The following FSTL4 variants were observed in gnomAD, a reference collection of about 807,000 sequenced individuals.
The protein encoded by FSTL4 is follistatin-related protein 4.
In FSTL4, 28 loss-of-function variants were observed where a neutral mutation model predicts 78.2. The observed-to-expected ratio is 0.36, with a 90% confidence interval of 0.27 to 0.49. The LOEUF is 0.49. FSTL4 is among the 20% of genes least tolerant of loss of function. The pLI is 0.98. For missense variants in FSTL4, 922 were observed against 1,084.9 expected, an observed-to-expected ratio of 0.85 and a Z score of 2.11; for synonymous variants, 422 against 440.5, an observed-to-expected ratio of 0.96 and a Z score of 0.53.
At chr5:133,453,401 A>C (rs1225565061) in intron 3 of FSTL4, among the ~76,000 whole-genome samples, 1 of 151,880 alleles carries the variant, frequency 6.6e-6, no homozygotes, top group Non-Finnish European at 1.5e-5. Context: ...GGATGCTCCC[A>C]CCCCCAGGCA....
At chr5:133,312,156 T>A (rs1410572927) in intron 6 of FSTL4, among the ~76,000 whole-genome samples, 1 of 152,102 alleles carries the variant, frequency 6.6e-6, no homozygotes, top group Non-Finnish European at 1.5e-5. Context: ...TTTCCCTTCT[T>A]CTCCAGGGAT....
chr5:133,641,491 T>TAA, the FSTL4 span, among the ~76,000 whole-genome samples: 1 of 152,200 alleles, frequency 6.6e-6, no homozygotes, highest in South Asian at 2.1e-4. Context: ...GACAATGTTA[T>TAA]AATAAGTATA....
At chr5:133,752,272 A>G in the FSTL4 span, among the ~76,000 whole-genome samples, 1 of 152,208 alleles carries the variant, frequency 6.6e-6, no homozygotes, top group Non-Finnish European at 1.5e-5. Context: ...GCAGCTTATG[A>G]TTAAGCCAGC....
At chr5:133,607,650 G>C (rs1336417366) in intron 1 of FSTL4, among the ~76,000 whole-genome samples, 5 of 152,168 alleles carry the variant, frequency 3.3e-5, no homozygotes, top group Non-Finnish European at 5.9e-5. Context: ...TGCCTGTTTT[G>C]TTTTGATAAA....
chr5:133,632,429 A>G, the FSTL4 span, among the ~76,000 whole-genome samples: 2 of 152,184 alleles, frequency 1.3e-5, no homozygotes, highest in African/African-American at 4.8e-5. Flanking sequence ...TTCTTTCTCA[A>G]TGTTCCAAAA....
At chr5:133,234,689 G>T (rs1238678558) in intron 7 of FSTL4, among the ~76,000 whole-genome samples, 1 of 152,192 alleles carries the variant, frequency 6.6e-6, no homozygotes, top group Non-Finnish European at 1.5e-5. Flanking sequence ...CATCTGTGGG[G>T]AGTGATGGGA....
the FSTL4 span, among the ~76,000 whole-genome samples, chr5:133,816,366 C>A: frequency 6.6e-6 from 1 of 152,152 alleles, no homozygotes; most frequent in Non-Finnish European, 1.5e-5. Flanking sequence ...AGGTGACCTG[C>A]TTAGGATGCA....
At chr5:133,305,924 G>A (rs1448772236) in intron 6 of FSTL4, among the ~76,000 whole-genome samples, 2 of 152,218 alleles carry the variant, frequency 1.3e-5, no homozygotes, top group African/African-American at 4.8e-5. Flanking sequence ...TCCCTGCCCA[G>A]GAGCTCACCC....
Position 133,225,509 on chromosome 5 carries a change from GC to G in FSTL4, c.1177+148del, listed in dbSNP as rs1219874695. The stretch of plus-strand genomic sequence containing the variant: ...AGAAAGCCCCAAAAGATCTGTGTGA[GC>G]CCAGATAACAGGGAAATTTGGGAGC... On this transcript the variant is annotated intron_variant, in intron 9 of 15. Transcript: ENST00000265342. This position sits in a 1 kb window ranked among gnomAD's most constrained non-coding sequence, Gnocchi z 4.6. 3 of 851,974 alleles carry G rather than the reference GC, an allele frequency of 3.5e-6. No individual in the cohort carries two copies. The African/African-American group carries it at 5.1e-5, about 14-fold the overall frequency. The allele number at this position is 851,974 out of a possible 1,614,324, so 52.8% of individuals were successfully genotyped here.
At chr5:133,778,872 A>T in the FSTL4 span, among the ~76,000 whole-genome samples, 1 of 152,234 alleles carries the variant, frequency 6.6e-6, no homozygotes, top group Non-Finnish European at 1.5e-5. Flanking sequence ...CACAAGGCCC[A>T]AGCTGGGCAC....
the FSTL4 span, among the ~76,000 whole-genome samples, chr5:133,762,401 A>G: frequency 3.3e-5 from 5 of 152,054 alleles, no homozygotes; most frequent in Non-Finnish European, 7.4e-5. Flanking sequence ...CCAAACTTTC[A>G]TTTTCACCTC....
rs1760160284 is a variant in FSTL4, at chr5:133,571,769, TA to T, written c.127-4551del. Among the ~76,000 whole-genome samples, 3 of 152,070 alleles carry T rather than the reference TA, an allele frequency of 2.0e-5. No individual in the cohort carries two copies. In the South Asian group the frequency reaches 6.2e-4, roughly 31 times the overall value. On this transcript the variant is annotated intron_variant, in intron 2 of 15. Transcript: ENST00000265342. The stretch of plus-strand genomic sequence containing the variant: ...AACTGAAAAATTCAATAGGTGGATT[TA>T]ACAACAGATTAAACACAACTGAAGA...
chr5:133,412,727 A>G (rs1756502081), intron 3 of FSTL4, among the ~76,000 whole-genome samples: 2 of 151,970 alleles, frequency 1.3e-5, no homozygotes. Context: ...CATTAGCCTG[A>G]ATTTTGTGTT....
rs200563783 is a variant in FSTL4 at position 133,249,452 on chromosome 5, G to A, written c.852C>T (p.Arg284=). 4 of 1,614,016 alleles carry A rather than the reference G, an allele frequency of 2.5e-6. No individual in the cohort carries two copies. Among genetic ancestry groups the A allele is most frequent in the Non-Finnish European group, 8.5e-7 (1 of 1,179,908 alleles). The stretch of plus-strand genomic sequence containing the variant: ...CCAGGAAGTTCAGGGTGAGCCCGTT[G>A]CGCTTCCAGATGATTGGTGGCCTCA... ...GDLRPPIIWK[R]NGLTLNFLDL... Residue 284 remains arginine, a synonymous_variant, in exon 7 of 16, where the codon CGC becomes CGT. Transcript: ENST00000265342.
intron 13 of FSTL4, among the ~76,000 whole-genome samples, chr5:133,213,649 CAG>C (rs1750815181): frequency 6.6e-6 from 1 of 151,656 alleles, no homozygotes; most frequent in Non-Finnish European, 1.5e-5. Context: ...TCGTCAACAA[CAG>C]AATAATTAAA....
At chr5:133,509,650 A>G (rs1758684165) in intron 3 of FSTL4, among the ~76,000 whole-genome samples, 1 of 152,188 alleles carries the variant, frequency 6.6e-6, no homozygotes, top group South Asian at 2.1e-4. Context: ...GAAATGATTC[A>G]TTTCATAACA....
intron 3 of FSTL4, among the ~76,000 whole-genome samples, chr5:133,510,213 A>C (rs1286624944): frequency 6.6e-6 from 1 of 152,166 alleles, no homozygotes; most frequent in Non-Finnish European, 1.5e-5. Flanking sequence ...CAGACAATGG[A>C]ACCTCGTTGC....
intron 3 of FSTL4, among the ~76,000 whole-genome samples, chr5:133,401,748 A>G (rs1281317714): frequency 6.6e-6 from 1 of 152,138 alleles, no homozygotes; most frequent in African/African-American, 2.4e-5. Flanking sequence ...AAGGAGAGAA[A>G]GGTTTTCCCA....
At chr5:133,224,914 T>C (rs1751276643) in intron 10 of FSTL4, among the ~76,000 whole-genome samples, 1 of 152,218 alleles carries the variant, frequency 6.6e-6, no homozygotes, top group African/African-American at 2.4e-5. Flanking sequence ...CTGGGCTCTG[T>C]CTGCTGTCCA....
Sources: gnomAD v4.1 joint callset for allele counts (sites outside exome capture counted in the v4.1 genomes callset) on GRCh38, gnomAD v4.1.1 for gene constraint, Gnocchi (gnomAD v3.1) non-coding constraint, MANE v1.5 for transcripts, NCBI Gene and HGNC (gene_info 2026-07-23, HGNC 2026-07-21) for gene names.